CPEB1: variants seen among roughly 807,000 people sequenced by gnomAD.
CPEB1 encodes cytoplasmic polyadenylation element binding protein 1, also known as cytoplasmic polyadenylation element-binding protein 1.
Under a neutral mutation model 65.8 loss-of-function variants are expected in CPEB1, and 7 were observed. The observed-to-expected ratio is 0.11, with a 90% CI of 0.06 to 0.20. The LOEUF (loss-of-function observed/expected upper bound fraction) is 0.20, where lower values mean the gene tolerates loss of function less well. Among genes scored for constraint, CPEB1 ranks in the 10% least tolerant of loss-of-function variants. The pLI, the probability that CPEB1 is intolerant of heterozygous loss-of-function variation, is 1.00. For synonymous variants in CPEB1, 262 were observed against 260.0 expected (o/e 1.01, Z -0.08); for missense variants, 551 against 712.2 (o/e 0.77, Z 2.58).
chr15:82,635,785 G>A (rs117292104), intron 1 of CPEB1, among the ~76,000 whole-genome samples: 1 of 152,090 alleles, frequency 6.6e-6, no homozygotes, highest in African/African-American at 2.4e-5. Flanking sequence ...TATCTAAAAT[G>A]GTTTCACAAC....
chr15:82,618,465 A>G (rs1033487588), intron 3 of CPEB1, among the ~76,000 whole-genome samples: 2 of 152,242 alleles, frequency 1.3e-5, no homozygotes, highest in Non-Finnish European at 2.9e-5. Context: ...CCTGGTTCCT[A>G]TAGCAAACTG....
chr15:82,648,544 G>A (rs587600607), upstream of CPEB1: 7 of 152,504 alleles, frequency 4.6e-5, no homozygotes, highest in South Asian at 1.5e-3. Flanking sequence ...GTTCTCCGGA[G>A]AAACCGCTTC....
intron 3 of CPEB1, among the ~76,000 whole-genome samples, chr15:82,601,047 G>A (rs977107508): frequency 6.6e-6 from 1 of 150,988 alleles, no homozygotes; most frequent in African/African-American, 2.4e-5. Context: ...TGGGATTACA[G>A]GTGCGTGCCA....
chr15:82,648,182 CT>C (rs1015240254), upstream of CPEB1: 63 of 320,500 alleles, frequency 2.0e-4, no homozygotes, highest in Non-Finnish European at 2.6e-4. Context: ...CAGCTGCCCC[CT>C]GGGGGGCCAG....
chr15:82,602,105 T>G lies in CPEB1; in HGVS notation c.271+25088A>C, dbSNP rs575922560. Among the ~76,000 whole-genome samples, 31 of 152,352 alleles carry G rather than the reference T, an allele frequency of 2.0e-4. No homozygotes were observed. The South Asian group carries it at 6.4e-3, about 32-fold the overall frequency. ...ACATTTAACAAAGTAGAGCATATGTTAGACTATAAAGCAAGCCTCAACAAA... is the reference window on the plus strand; with the variant it reads ...ACATTTAACAAAGTAGAGCATATGTGAGACTATAAAGCAAGCCTCAACAAA... On this transcript the variant is annotated intron_variant, in intron 3 of 12. Transcript: ENST00000684509.
At chr15:82,555,813 T>A (rs2037100566) in intron 6 of CPEB1, 57 bp downstream of exon 6, 1 of 1,569,422 alleles carries the variant, frequency 6.4e-7, no homozygotes, top group East Asian at 2.3e-5. Context: ...TAAGGTCACT[T>A]CCTCTCTGCT....
intron 3 of CPEB1, among the ~76,000 whole-genome samples, chr15:82,590,552 T>C (rs1030233523): frequency 2.6e-4 from 39 of 152,200 alleles, no homozygotes; most frequent in African/African-American, 8.2e-4. Flanking sequence ...AGGTTTGTTA[T>C]ATGAGTAAAC....
chr15:82,568,992 A>G (rs1027688269), intron 4 of CPEB1, among the ~76,000 whole-genome samples: 1 of 152,232 alleles, frequency 6.6e-6, no homozygotes, highest in Non-Finnish European at 1.5e-5. Context: ...ATAAGCTTGC[A>G]TCTTGGTCTC....
chr15:82,594,548 C>T (rs1231010971), intron 3 of CPEB1, among the ~76,000 whole-genome samples: 1 of 152,146 alleles, frequency 6.6e-6, no homozygotes, highest in Admixed American at 6.6e-5. Flanking sequence ...CTCGACTACT[C>T]AAACTTTCCC....
At chr15:82,635,081 C>T (rs2046553319) in intron 1 of CPEB1, among the ~76,000 whole-genome samples, 1 of 152,166 alleles carries the variant, frequency 6.6e-6, no homozygotes, top group African/African-American at 2.4e-5. Context: ...TCTCAAACTC[C>T]TGACCTCAGG....
chr15:82,572,669 A>T lies in CPEB1; in HGVS notation c.272-1137T>A, dbSNP rs944222559. Among the ~76,000 whole-genome samples, 4 of 152,142 alleles carry T rather than the reference A, an allele frequency of 2.6e-5. No homozygotes were observed. The East Asian group carries it at 7.7e-4, about 29-fold the overall frequency. ...GAAGTATCGTTACGCCCTATTAGAA[A>T]CACCAAACTCTGAAACCTAATCACC... On this transcript the variant is annotated intron_variant, in intron 3 of 12. Transcript: ENST00000684509.
chr15:82,635,686 G>A lies in CPEB1; in HGVS notation c.-97-7130C>T, dbSNP rs1414729296. 2.0e-5 allele frequency among the ~76,000 whole-genome samples: 3 copies of A among 150,332 alleles called. No individual in the cohort carries two copies. The East Asian group carries it at 5.8e-4, about 29-fold the overall frequency. On this transcript the variant is annotated intron_variant, in intron 1 of 12. Coordinates refer to ENST00000684509, the MANE Select transcript of CPEB1 (RefSeq NM_001365242.1). ...TAAAACATACTCCTTGCCCTCAGGA[G>A]AATTATTCAGGTAGGAAAAAGAAAC...
At chr15:82,617,508 G>T (rs2044836959) in intron 3 of CPEB1, among the ~76,000 whole-genome samples, 1 of 151,958 alleles carries the variant, frequency 6.6e-6, no homozygotes, top group Non-Finnish European at 1.5e-5. Flanking sequence ...TGATATCCTG[G>T]GTGGGATCCT....
chr15:82,646,841 C>T (rs1490389182), intron 1 of CPEB1, among the ~76,000 whole-genome samples: 1 of 152,112 alleles, frequency 6.6e-6, no homozygotes, highest in African/African-American at 2.4e-5. Context: ...GGGTGAGTCC[C>T]CCCACACTCA....
intron 3 of CPEB1, among the ~76,000 whole-genome samples, chr15:82,590,209 C>CAAAAAAA (rs5814120): frequency 2.9e-5 from 3 of 104,152 alleles, no homozygotes; most frequent in Non-Finnish European, 4.1e-5. Context: ...ATCCCTTTGA[C>CAAAAAAA]AAAAAAAAAA....
chr15:82,551,635 A>C (rs1162272041), intron 9 of CPEB1, among the ~76,000 whole-genome samples: 1 of 147,890 alleles, frequency 6.8e-6, no homozygotes, highest in Non-Finnish European at 1.5e-5. Flanking sequence ...CATCTTATAG[A>C]AGAGAAGAGG....
chr15:82,566,073 C>G (rs1438904301), intron 4 of CPEB1, among the ~76,000 whole-genome samples: 1 of 152,174 alleles, frequency 6.6e-6, no homozygotes, highest in African/African-American at 2.4e-5. Flanking sequence ...TATGCCAGCT[C>G]CTGTCGGTTT....
At chr15:82,565,073 T>C (rs2038902114) in intron 4 of CPEB1, among the ~76,000 whole-genome samples, 2 of 152,154 alleles carry the variant, frequency 1.3e-5, no homozygotes. Context: ...AGAAGGGATA[T>C]ACTGTAAATT....
intron 10 of CPEB1, chr15:82,548,570 GTTAAA>G (rs1001596238): frequency 6.0e-5 from 21 of 351,772 alleles, no homozygotes; most frequent in Non-Finnish European, 1.0e-4. Flanking sequence ...ATAGGTTAAG[GTTAAA>G]GGATTCAGAG....
Sources: gnomAD v4.1 joint callset for allele counts (sites outside exome capture counted in the v4.1 genomes callset) on GRCh38, gnomAD v4.1.1 for gene constraint, MANE v1.5 for transcripts, NCBI Gene and HGNC (gene_info 2026-07-23, HGNC 2026-07-21) for gene names.